Variants in NRP2 observed in about 807,000 individuals in gnomAD.
NRP2 encodes the protein neuropilin 2, also known as neuropilin-2.
A neutral mutation model predicts 110.4 loss-of-function variants in NRP2; 52 were observed. That is an observed-to-expected ratio of 0.47 (90% CI 0.38 to 0.59). NRP2 has a LOEUF of 0.59. NRP2 is among the 20% of genes least tolerant of loss of function. NRP2 has a pLI of 0.00. For synonymous variants in NRP2, 508 were observed against 468.9 expected (o/e 1.08, Z -1.08); for missense variants, 1,049 against 1,203.0 (o/e 0.87, Z 1.89).
At chr2:205,791,435 T>C (rs1559371157) in intron 15 of NRP2, among the ~76,000 whole-genome samples, 1 of 152,228 alleles carries the variant, frequency 6.6e-6, no homozygotes, top group Non-Finnish European at 1.5e-5. Context: ...TGTTTTACCA[T>C]TTTAGACAGA....
chr2:205,697,983 G>A lies in NRP2; in HGVS notation c.251+262G>A, dbSNP rs2056471529. 2.4e-5 allele frequency: 12 copies of A among 504,298 alleles called. No homozygotes were observed. In the South Asian group the frequency reaches 2.5e-4, roughly 10 times the overall value. 31.2% of individuals were successfully genotyped at this position (504,298 alleles called of 1,614,324 possible). On this transcript the variant is annotated intron_variant, in intron 2 of 16. Coordinates refer to ENST00000357785, the MANE Select transcript of NRP2 (RefSeq NM_003872.3). ...CCTACCTCCAAAGGCCGGTAGTGGA[G>A]GAGAATTTCCATGTGGTGGCAGGGG...
At chr2:205,785,578 G>A (rs1277636385) in intron 15 of NRP2, among the ~76,000 whole-genome samples, 1 of 152,232 alleles carries the variant, frequency 6.6e-6, no homozygotes, top group East Asian at 1.9e-4. Context: ...GTAAAAAAGA[G>A]GTTCTAGAAT....
chr2:205,794,961 G>A lies in NRP2; in HGVS notation c.2684G>A (p.Arg895Gln), dbSNP rs772897853. Reference sequence around the variant, plus strand: ...TGTTCCTACTCGGGCCTGAGCTCCCGAAGCTGCACCACACTGGAGAACTAC... The same window carrying A: ...TGTTCCTACTCGGGCCTGAGCTCCCAAAGCTGCACCACACTGGAGAACTAC... ...CTCSYSGLSS[R>Q]SCTTLENYNF... Residue 895 changes from arginine (R) to glutamine (Q), a missense_variant, in exon 17 of 17, where the codon CGA (arginine) becomes CAA (glutamine). Transcript: ENST00000357785. 20 of 1,614,000 alleles carry A rather than the reference G, an allele frequency of 1.2e-5. No homozygotes were observed. The highest frequency in any genetic ancestry group is 1.6e-4 in the Middle Eastern group (1 of 6,084).
At position 205,749,798 on chromosome 2, in the gene NRP2, AGAG is replaced by A. The variant is rs779359045; in HGVS notation, c.1865_1867del (p.Glu622del). 6.2e-7 allele frequency: 1 copy of A among 1,614,134 alleles called. No individual in the cohort carries two copies. The highest frequency in any genetic ancestry group is 8.5e-7 in the Non-Finnish European group (1 of 1,179,996). On this transcript the variant is annotated inframe_deletion, in exon 11 of 17. Transcript: ENST00000357785. The stretch of plus-strand genomic sequence containing the variant: ...AGACAACCACCCCCTACCCCACCGA[AGAG>A]GAGGCCACAGAGTGTGGGGAGAACT...
At chr2:205,690,478 G>A (rs1477486122) in intron 1 of NRP2, among the ~76,000 whole-genome samples, 1 of 152,020 alleles carries the variant, frequency 6.6e-6, no homozygotes, top group Non-Finnish European at 1.5e-5. Context: ...GCTCATGCCT[G>A]TAATCCCAGC....
At chr2:205,695,703 T>C (rs2056409461) in intron 1 of NRP2, among the ~76,000 whole-genome samples, 1 of 152,178 alleles carries the variant, frequency 6.6e-6, no homozygotes, top group Non-Finnish European at 1.5e-5. Flanking sequence ...TTCTGCTAGT[T>C]GAGTAAGAGC....
At chr2:205,777,251 A>G (rs1575670573) in intron 15 of NRP2, 1 of 631,484 alleles carries the variant, frequency 1.6e-6, no homozygotes, top group African/African-American at 2.0e-5. Context: ...TCCCATCCCT[A>G]TCCCCAACCC....
intron 10 of NRP2, among the ~76,000 whole-genome samples, chr2:205,747,443 G>T (rs1297935386): frequency 1.3e-5 from 2 of 152,180 alleles, no homozygotes; most frequent in Non-Finnish European, 2.9e-5. Context: ...GAAATACTTA[G>T]ACTACTGCCT....
chr2:205,792,124 T>A, intron 15 of NRP2, 111 bp from the exon 16 acceptor site: 1 of 758,914 alleles, frequency 1.3e-6, no homozygotes, highest in Non-Finnish European at 2.4e-6. Flanking sequence ...GAGGTGATTC[T>A]CTAGCTGCCT....
intron 2 of NRP2, among the ~76,000 whole-genome samples, chr2:205,708,003 A>C (rs1369241239): frequency 6.6e-6 from 1 of 152,232 alleles, no homozygotes; most frequent in Non-Finnish European, 1.5e-5. Context: ...AGGCCAGCGT[A>C]GGAAAATTTA....
chr2:205,754,520 T>C (rs1290463895), intron 12 of NRP2, among the ~76,000 whole-genome samples: 1 of 152,222 alleles, frequency 6.6e-6, no homozygotes, highest in Non-Finnish European at 1.5e-5. Context: ...AGAGAACACT[T>C]ACCCCAGTCC....
At chr2:205,702,080 C>T (rs924224818) in intron 2 of NRP2, among the ~76,000 whole-genome samples, 1 of 152,216 alleles carries the variant, frequency 6.6e-6, no homozygotes, top group African/African-American at 2.4e-5. Flanking sequence ...CAAGATTGCT[C>T]TGCCTTTTTA....
At chr2:205,731,331 G>C (rs1274772040) in intron 7 of NRP2, among the ~76,000 whole-genome samples, 1 of 152,222 alleles carries the variant, frequency 6.6e-6, no homozygotes, top group African/African-American at 2.4e-5. Flanking sequence ...ACATGGCATT[G>C]TTAATACAAC....
chr2:205,798,028 G>C lies in NRP2; in HGVS notation c.*2970G>C, dbSNP rs1215808578. 1 of 152,478 alleles carries C rather than the reference G, an allele frequency of 6.6e-6. No homozygotes were observed. The highest frequency in any genetic ancestry group is 2.4e-5 in the African/African-American group (1 of 41,402). 9.4% of individuals were successfully genotyped at this position (152,478 alleles called of 1,614,324 possible). ...TCACGGGAACTTGAGAGCTTTTACT[G>C]TGATTCTTCAATGTAAAAAATAAAC... On this transcript the variant is annotated 3_prime_UTR_variant, in exon 17 of 17. Transcript: ENST00000357785.
chr2:205,725,809 G>A lies in NRP2; in HGVS notation c.821-104G>A. The A allele has an allele frequency of 8.8e-7, 1 of 1,130,288 alleles. No individual in the cohort carries two copies. The highest frequency in any genetic ancestry group is 1.3e-6 in the Non-Finnish European group (1 of 744,348). 70.0% of individuals were successfully genotyped at this position (1,130,288 alleles called of 1,614,324 possible). A position where few individuals can be genotyped will look rare whatever the true frequency, so the allele number is the denominator to read the frequency against. ...ATATAATTAGGGTCTTTTAAATGAG[G>A]AAGTGCCTGCAAGGACTTGTCCCTA... On this transcript the variant is annotated intron_variant, in intron 5 of 16. Transcript: ENST00000357785. This position sits in a 1 kb window ranked among gnomAD's most constrained non-coding sequence, Gnocchi z 4.1.
chr2:205,692,710 A>C (rs1373001851), intron 1 of NRP2, among the ~76,000 whole-genome samples: 1 of 152,172 alleles, frequency 6.6e-6, no homozygotes, highest in Non-Finnish European at 1.5e-5. Context: ...AGAATCCTGG[A>C]GTTTGGTTTC....
chr2:205,722,172 TACACACA>T lies in NRP2; in HGVS notation c.434-305_434-299del, dbSNP rs1559326348. The T allele has an allele frequency of 8.0e-3, 2,236 of 279,904 alleles. 49 individuals are homozygous for T. Among genetic ancestry groups the T allele is most frequent in the African/African-American group, 0.054 (1,976 of 36,754 alleles). The allele number at this position is 279,904 out of a possible 1,614,324, so 17.3% of individuals were successfully genotyped here. ...TCTCTCTCTCTCTCTCTCTCTCTCA[TACACACA>T]CACACACACACACACACACACACAC... On this transcript the variant is annotated intron_variant, in intron 3 of 16. Coordinates refer to ENST00000357785, the MANE Select transcript of NRP2 (RefSeq NM_003872.3).
rs5837991 is a variant in NRP2 at position 205,705,183 on chromosome 2, G to GAAA, written c.251+7474_251+7476dup. 5.6e-3 allele frequency among the ~76,000 whole-genome samples: 804 copies of GAAA among 144,140 alleles called. 7 individuals carry two copies. The highest frequency in any genetic ancestry group is 0.019 in the African/African-American group (754 of 39,412). 94.6% of individuals were successfully genotyped at this position (144,140 alleles called of 152,430 possible). A position where few individuals can be genotyped will look rare whatever the true frequency, so the allele number is the denominator to read the frequency against. On this transcript the variant is annotated intron_variant, in intron 2 of 16. Coordinates refer to ENST00000357785, the MANE Select transcript of NRP2 (RefSeq NM_003872.3). ...ACTTCTGCCTGGATAAATAATTCCA[G>GAAA]AAAAAAAAAAAAAAGATATCAGCTG...
At chr2:205,717,979 T>C (rs1025152626) in intron 3 of NRP2, among the ~76,000 whole-genome samples, 2 of 152,190 alleles carry the variant, frequency 1.3e-5, no homozygotes, top group Non-Finnish European at 2.9e-5. Context: ...AAAGGTACAA[T>C]TGACATGTGG....
Sources: gnomAD v4.1 joint callset for allele counts (sites outside exome capture counted in the v4.1 genomes callset) on GRCh38, gnomAD v4.1.1 for gene constraint, Gnocchi (gnomAD v3.1) non-coding constraint, MANE v1.5 for transcripts, NCBI Gene and HGNC (gene_info 2026-07-23, HGNC 2026-07-21) for gene names.